Variants in RIT1 observed in about 807,000 individuals in gnomAD.
RIT1 encodes GTP-binding protein Rit1.
Under a neutral mutation model 25.6 loss-of-function variants are expected in RIT1, and 6 were observed. That is an observed-to-expected ratio of 0.23 (90% CI 0.13 to 0.46). The LOEUF is 0.46. Ranked by LOEUF, RIT1 falls within the 20% of genes least tolerant of loss-of-function variation. The pLI, the probability that RIT1 is intolerant of heterozygous loss-of-function variation, is 0.99. For synonymous variants in RIT1, 81 were observed against 94.1 expected, an observed-to-expected ratio of 0.86 and a Z score of 0.80; for missense variants, 219 against 284.4, an observed-to-expected ratio of 0.77 and a Z score of 1.65.
At chr1:155,907,589 TAA>T (rs1457718239) in intron 3 of RIT1, among the ~76,000 whole-genome samples, 1 of 152,196 alleles carries the variant, frequency 6.6e-6, no homozygotes, top group East Asian at 1.9e-4. Flanking sequence ...AGTTACAATG[TAA>T]AGTTTTTCTG....
rs1673576237 is a variant in RIT1, at chr1:155,910,670, C to A, written c.92G>T (p.Gly31Val). ...EYKLVMLGAG[G>V]VGKSAMTMQF... ...ATGTTACCTACCACTCTTCCCTACA[C>A]CACCAGCACCCAGCATCACTAGTTT... Residue 31 changes from glycine (G) to valine (V), a missense_variant, in exon 2 of 6, where the codon GGT (glycine) becomes GTT (valine). This residue lies in a region of RIT1 where 131 missense variants were observed against 173.6 expected (regional missense o/e 0.75). Transcript: ENST00000368323. The A allele has an allele frequency of 6.2e-7, 1 of 1,614,228 alleles. No homozygotes were observed. The highest frequency in any genetic ancestry group is 8.5e-7 in the Non-Finnish European group (1 of 1,180,024).
intron 3 of RIT1, among the ~76,000 whole-genome samples, chr1:155,908,894 T>C (rs1056480813): frequency 6.6e-6 from 1 of 151,976 alleles, no homozygotes; most frequent in African/African-American, 2.4e-5. Context: ...AAATTTGATA[T>C]AGTACATGAA....
At chr1:155,904,983 T>C (rs922252769) in intron 3 of RIT1, among the ~76,000 whole-genome samples, 179 bp from the exon 4 acceptor site, 7 of 152,248 alleles carry the variant, frequency 4.6e-5, no homozygotes, top group African/African-American at 7.2e-5. Context: ...AGTTTTTTTT[T>C]CCACATAGGT....
chr1:155,903,471 A>AAAAG (rs1175766442), intron 5 of RIT1, among the ~76,000 whole-genome samples: 1 of 151,222 alleles, frequency 6.6e-6, no homozygotes, highest in Non-Finnish European at 1.5e-5. Flanking sequence ...AAAAAAAAAA[A>AAAAG]AAAGAAAGAA....
intron 3 of RIT1, among the ~76,000 whole-genome samples, chr1:155,907,997 G>C (rs1673486035): frequency 6.6e-6 from 1 of 152,008 alleles, no homozygotes; most frequent in Non-Finnish European, 1.5e-5. Flanking sequence ...GCCTGAGGCA[G>C]GAGAATGGCA....
Position 155,899,106 on chromosome 1 carries a change from TG to T in RIT1, c.*1281del, listed in dbSNP as rs1355681704. The T allele has an allele frequency of 4.8e-6, 1 of 206,976 alleles. No homozygotes were observed. Among genetic ancestry groups the T allele is most frequent in the Non-Finnish European group, 9.9e-6 (1 of 101,178 alleles). 12.8% of individuals were successfully genotyped at this position (206,976 alleles called of 1,614,324 possible). A position where few individuals can be genotyped will look rare whatever the true frequency, so the allele number is the denominator to read the frequency against. ...ACAAGGTCAGATATCAAAACAGTCC[TG>T]ATCTTAGACAACTCACTACCAATAT... On this transcript the variant is annotated 3_prime_UTR_variant, in exon 6 of 6. Coordinates refer to ENST00000368323, the MANE Select transcript of RIT1 (RefSeq NM_006912.6).
intron 1 of RIT1, 136 bp downstream of exon 1, chr1:155,911,107 A>G (rs1673590193): frequency 9.8e-6 from 6 of 613,946 alleles, no homozygotes; most frequent in Non-Finnish European, 1.7e-5. Context: ...TTGGGAAGAA[A>G]GGGATGCGGC....
chr1:155,905,190 A>C (rs1418514318), intron 3 of RIT1, among the ~76,000 whole-genome samples: 3 of 151,854 alleles, frequency 2.0e-5, no homozygotes, highest in Admixed American at 1.3e-4. Flanking sequence ...GCAACACAGC[A>C]ACAGCTCATC....
chr1:155,908,522 T>A (rs191253501), intron 3 of RIT1, among the ~76,000 whole-genome samples: 90 of 152,092 alleles, frequency 5.9e-4, no homozygotes, highest in Middle Eastern at 3.4e-3. Flanking sequence ...TAAATTCATT[T>A]TATTCCTAGA....
At chr1:155,904,096 G>A (rs1673377403) in intron 5 of RIT1, among the ~76,000 whole-genome samples, 2 of 152,122 alleles carry the variant, frequency 1.3e-5, no homozygotes, top group Non-Finnish European at 2.9e-5. Context: ...TAGAGATGGG[G>A]TTTCGCCATG....
Position 155,899,200 on chromosome 1 carries a change from A to C in RIT1, c.*1188T>G, listed in dbSNP as rs1263773602. On this transcript the variant is annotated 3_prime_UTR_variant, in exon 6 of 6. Coordinates refer to ENST00000368323, the MANE Select transcript of RIT1 (RefSeq NM_006912.6). ...ACAGGGAGCAAAGTGGTATTCCCTT[A>C]GGATAAACTTGGTCAAGGCTCAGAT... is the stretch of plus-strand genomic sequence containing the variant. The C allele has an allele frequency of 4.9e-5, 10 of 205,116 alleles. No individual in the cohort carries two copies. The highest frequency in any genetic ancestry group is 1.0e-4 in the Non-Finnish European group (10 of 99,926). The allele number at this position is 205,116 out of a possible 1,614,324, so 12.7% of individuals were successfully genotyped here.
At chr1:155,901,991 A>G (rs1017428466) in intron 5 of RIT1, among the ~76,000 whole-genome samples, 1 of 152,126 alleles carries the variant, frequency 6.6e-6, no homozygotes, top group African/African-American at 2.4e-5. Context: ...CAACCATGAA[A>G]CTGATCACCG....
intron 1 of RIT1, 111 bp from the exon 2 acceptor site, chr1:155,910,915 G>A: frequency 6.4e-7 from 1 of 1,555,308 alleles, no homozygotes; most frequent in Non-Finnish European, 8.7e-7. Flanking sequence ...TCTTACTCTG[G>A]CCTGTCCCTC....
chr1:155,909,341 G>A (rs1330134381), intron 3 of RIT1, among the ~76,000 whole-genome samples: 1 of 151,186 alleles, frequency 6.6e-6, no homozygotes, highest in African/African-American at 2.4e-5. Flanking sequence ...TTGTGCCACC[G>A]CACTCCAGCC....
chr1:155,905,643 G>C (rs1673422214), intron 3 of RIT1, among the ~76,000 whole-genome samples: 1 of 151,906 alleles, frequency 6.6e-6, no homozygotes, highest in African/African-American at 2.4e-5. Context: ...CAATGAAGTA[G>C]GCATTATTAC....
chr1:155,900,714 T>C, intron 5 of RIT1, 96 bp from the exon 6 acceptor site: 2 of 985,998 alleles, frequency 2.0e-6, no homozygotes, highest in East Asian at 2.5e-5. Flanking sequence ...AGAAAGCTTC[T>C]CAATTCTGGA....
At chr1:155,907,187 T>G (rs1673462296) in intron 3 of RIT1, among the ~76,000 whole-genome samples, 1 of 78,228 alleles carries the variant, frequency 1.3e-5, no homozygotes, top group Non-Finnish European at 2.6e-5. Flanking sequence ...TAGCTACACA[T>G]ACACATGCGC....
At chr1:155,909,465 G>A (rs527113) in intron 3 of RIT1, among the ~76,000 whole-genome samples, 123,465 of 152,056 alleles carry the variant, frequency 0.81, 52,269 homozygotes, top group East Asian at 0.94. Context: ...TTTCATATTA[G>A]GATATAAACC....
At chr1:155,903,751 G>A (rs1311322186) in intron 5 of RIT1, among the ~76,000 whole-genome samples, 1 of 152,178 alleles carries the variant, frequency 6.6e-6, no homozygotes, top group African/African-American at 2.4e-5. Flanking sequence ...GCTCACACTT[G>A]TAATCCCAAC....
Sources: gnomAD v4.1 joint callset for allele counts (sites outside exome capture counted in the v4.1 genomes callset) on GRCh38, gnomAD v4.1.1 for gene constraint, gnomAD v4.1.1 regional missense constraint, MANE v1.5 for transcripts, NCBI Gene and HGNC (gene_info 2026-07-23, HGNC 2026-07-21) for gene names.